The following ZNF385D variants were observed in gnomAD, a reference collection of about 807,000 sequenced individuals.
ZNF385D encodes zinc finger protein 385D.
ZNF385D carries 15 observed loss-of-function variants against 35.8 expected under a neutral mutation model. The observed-to-expected ratio is 0.42, with a 90% CI of 0.28 to 0.64. ZNF385D has a LOEUF of 0.64. Ranked by LOEUF, ZNF385D falls within the 30% of genes least tolerant of loss-of-function variation. ZNF385D has a pLI of 0.23. For synonymous variants in ZNF385D, 212 were observed against 186.8 expected (o/e 1.13, Z -1.10); for missense variants, 474 against 494.6 (o/e 0.96, Z 0.39).
At chr3:22,072,666 G>A (rs1195516863) in intron 3 of ZNF385D, among the ~76,000 whole-genome samples, 1 of 151,800 alleles carries the variant, frequency 6.6e-6, no homozygotes, top group Non-Finnish European at 1.5e-5. Flanking sequence ...AAGAAGGAAT[G>A]GAGAAATGGA....
At chr3:21,717,543 C>T (rs1202933613) in intron 1 of ZNF385D, among the ~76,000 whole-genome samples, 1 of 152,170 alleles carries the variant, frequency 6.6e-6, no homozygotes, top group Non-Finnish European at 1.5e-5. Flanking sequence ...TTTAGAATTG[C>T]TTATGACTTG....
At chr3:21,959,645 CATGGAAGATGGGGCTAGCCCCA>C (rs1702474192) in intron 3 of ZNF385D, among the ~76,000 whole-genome samples, 1 of 152,102 alleles carries the variant, frequency 6.6e-6, no homozygotes, top group Admixed American at 6.5e-5. Flanking sequence ...CTCCTGTCAC[CATGGAAGATGGGGCTAGCCCCA>C]TGGGTGGGTA....
intron 2 of ZNF385D, among the ~76,000 whole-genome samples, chr3:22,320,324 C>T (rs1330000827): frequency 6.6e-6 from 1 of 152,084 alleles, no homozygotes; most frequent in Non-Finnish European, 1.5e-5. Flanking sequence ...AGACAAATAA[C>T]TGGTCCCAAA....
intron 3 of ZNF385D, among the ~76,000 whole-genome samples, chr3:21,899,413 CAG>C (rs1699292884): frequency 6.6e-6 from 1 of 152,128 alleles, no homozygotes. Context: ...CAGAAAACAT[CAG>C]AGTTATCTAA....
chr3:22,064,899 T>A (rs760287178), intron 3 of ZNF385D, among the ~76,000 whole-genome samples: 3 of 152,196 alleles, frequency 2.0e-5, no homozygotes, highest in African/African-American at 7.2e-5. Flanking sequence ...TAACAATGCA[T>A]TGTATATTTA....
intron 3 of ZNF385D, among the ~76,000 whole-genome samples, chr3:22,083,719 G>A (rs1204377946): frequency 1.3e-5 from 2 of 152,204 alleles, no homozygotes; most frequent in East Asian, 3.9e-4. Flanking sequence ...TCAAATTCAA[G>A]AAATACAGAG....
chr3:21,951,253 G>C (rs1037460542), intron 3 of ZNF385D, among the ~76,000 whole-genome samples: 1 of 151,528 alleles, frequency 6.6e-6, no homozygotes, highest in Non-Finnish European at 1.5e-5. Context: ...CCTTGAAGAG[G>C]TCCTTCACAT....
At position 22,314,643 on chromosome 3, in the gene ZNF385D, A is replaced by G. The variant is rs190261302; in HGVS notation, c.106+57807T>C. Among the ~76,000 whole-genome samples the G allele has an allele frequency of 2.6e-5, 4 of 152,214 alleles. No homozygotes were observed. The East Asian group carries it at 7.7e-4, about 29-fold the overall frequency. On this transcript the variant is annotated intron_variant, in intron 2 of 5. Coordinates refer to the ZNF385D transcript ENST00000494108. ...GTTGCACTCTGGCAGCCTGCAAATC[A>G]TTGTCATATTTAAGATTTTCTTTAC...
intron 2 of ZNF385D, among the ~76,000 whole-genome samples, chr3:22,200,079 C>A (rs1048767366): frequency 1.3e-5 from 2 of 152,136 alleles, no homozygotes; most frequent in East Asian, 3.9e-4. Flanking sequence ...TAAAAGCTGT[C>A]AAAGACAGAA....
intron 3 of ZNF385D, among the ~76,000 whole-genome samples, chr3:21,549,392 T>A (rs2062490829): frequency 6.6e-6 from 1 of 152,206 alleles, no homozygotes; most frequent in Admixed American, 6.5e-5. Flanking sequence ...ACCCAGTATT[T>A]TTTGCTCTGT....
rs182995125 is a variant in ZNF385D, at chr3:22,087,248, A to G, written c.325+81569T>C. On this transcript the variant is annotated intron_variant, in intron 3 of 5. Transcript: ENST00000494108. ...AAACTCTTTTTTTTTCACTGTGGCC[A>G]CATCTATAAAATAGGCATTTGACAG... Among the ~76,000 whole-genome samples the G allele has an allele frequency of 1.5e-3, 234 of 152,116 alleles. 1 individual carries two copies. Among genetic ancestry groups the G allele is most frequent in the African/African-American group, 4.4e-3 (182 of 41,504 alleles).
chr3:21,730,248 C>G (rs2068934382), intron 1 of ZNF385D, among the ~76,000 whole-genome samples: 1 of 152,164 alleles, frequency 6.6e-6, no homozygotes, highest in African/African-American at 2.4e-5. Flanking sequence ...GAAAAGCCTG[C>G]CATCTAAAAA....
At chr3:21,453,579 A>T (rs994086755) in intron 4 of ZNF385D, among the ~76,000 whole-genome samples, 4 of 152,068 alleles carry the variant, frequency 2.6e-5, no homozygotes, top group African/African-American at 7.2e-5. Context: ...TTCTTGAAAT[A>T]AGGTGTATAA....
intron 1 of ZNF385D, among the ~76,000 whole-genome samples, chr3:21,715,477 A>G (rs1310622540): frequency 6.6e-6 from 1 of 151,978 alleles, no homozygotes; most frequent in East Asian, 1.9e-4. Context: ...GGTATACCAC[A>G]TTTTCTAAAT....
intron 3 of ZNF385D, among the ~76,000 whole-genome samples, chr3:21,893,410 G>A (rs1698980248): frequency 1.3e-5 from 2 of 152,148 alleles, no homozygotes; most frequent in African/African-American, 2.4e-5. Flanking sequence ...TGGCACTCAT[G>A]TCATCGAGCT....
At position 21,425,562 on chromosome 3, in the gene ZNF385D, C is replaced by T. The variant is rs1700980326; in HGVS notation, c.782G>A (p.Gly261Asp). ...GKGPVNKGNTGLQNKTFHCEI... is the reference protein window; with the variant it reads ...GKGPVNKGNTDLQNKTFHCEI... ...ACAGTGAAATGTTTTATTTTGGAGG[C>T]CTGTGTTTCCTTTATTAACAGGTCC... Residue 261 changes from glycine (G) to aspartate (D), a missense_variant, in exon 6 of 8, where the codon GGC becomes GAC. Coordinates refer to ENST00000281523, the MANE Select transcript of ZNF385D (RefSeq NM_024697.3). The T allele has an allele frequency of 6.2e-7, 1 of 1,611,666 alleles. No individual in the cohort carries two copies. The highest frequency in any genetic ancestry group is 1.3e-5 in the African/African-American group (1 of 74,924).
chr3:21,782,009 C>T (rs560575692), intron 3 of ZNF385D, among the ~76,000 whole-genome samples: 41 of 152,194 alleles, frequency 2.7e-4, no homozygotes, highest in Middle Eastern at 3.4e-3. Flanking sequence ...GCTTTCCCGC[C>T]TCCACTAGGG....
At position 21,932,166 on chromosome 3, in the gene ZNF385D, C is replaced by CAAAAAAAAAAAAAAAAAAA. The variant is rs543138588; in HGVS notation, c.325+236632_325+236650dup. Among the ~76,000 whole-genome samples the CAAAAAAAAAAAAAAAAAAA allele has an allele frequency of 3.3e-4, 18 of 55,332 alleles. 1 individual carries two copies. Among genetic ancestry groups the CAAAAAAAAAAAAAAAAAAA allele is most frequent in the Non-Finnish European group, 4.3e-4 (14 of 32,406 alleles). The allele number at this position is 55,332 out of a possible 152,430, so 36.3% of individuals were successfully genotyped here. A position where few individuals can be genotyped will look rare whatever the true frequency, so the allele number is the denominator to read the frequency against. On this transcript the variant is annotated intron_variant, in intron 3 of 5. Coordinates refer to the ZNF385D transcript ENST00000494108. ...TGGGCGAAAGAGCAAGACTCATTCT[C>CAAAAAAAAAAAAAAAAAAA]AAAAAAAAAAAAAAAAAAAAAAAAA...
intron 3 of ZNF385D, among the ~76,000 whole-genome samples, chr3:21,865,881 G>T (rs536202313): frequency 6.6e-6 from 1 of 152,072 alleles, no homozygotes; most frequent in Non-Finnish European, 1.5e-5. Context: ...GCAGCTTAAA[G>T]CTATCACTTA....
Sources: allele counts gnomAD v4.1 joint callset (sites outside exome capture counted in the v4.1 genomes callset), GRCh38; gene constraint gnomAD v4.1.1; transcripts MANE v1.5; gene names NCBI Gene and HGNC (gene_info 2026-07-23, HGNC 2026-07-21).